Variants in OXR1 observed in about 807,000 individuals in gnomAD.
The protein encoded by OXR1 is oxidation resistance protein 1.
In OXR1, 41 loss-of-function variants were observed where a neutral mutation model predicts 104.6. The ratio of observed to expected loss-of-function variants is 0.39; its 90% CI spans 0.31 to 0.51. OXR1 has a LOEUF of 0.51. Among genes scored for constraint, OXR1 ranks in the 20% least tolerant of loss-of-function variants. The pLI is 0.77. For missense variants in OXR1, 955 were observed against 1,031.9 expected (o/e 0.93, Z 1.02); for synonymous variants, 348 against 348.4 (o/e 1.00, Z 0.01).
intron 8 of OXR1, among the ~76,000 whole-genome samples, chr8:106,705,306 G>T (rs756801625): frequency 6.6e-6 from 1 of 151,944 alleles, no homozygotes; most frequent in African/African-American, 2.4e-5. Flanking sequence ...TTTTTAAGAT[G>T]AATCAGATAC....
intron 3 of OXR1, among the ~76,000 whole-genome samples, chr8:106,615,927 T>C (rs1821181935): frequency 6.6e-6 from 1 of 152,056 alleles, no homozygotes; most frequent in Non-Finnish European, 1.5e-5. Context: ...GTCATTGTTA[T>C]CATTGGCATT....
chr8:106,745,736 T>A (rs1046040882), intron 15 of OXR1, 53 bp from the exon 16 acceptor site: 5 of 874,978 alleles, frequency 5.7e-6, no homozygotes, highest in Non-Finnish European at 7.2e-6. Context: ...GAACTAACTC[T>A]CTATAATAAC....
intron 3 of OXR1, among the ~76,000 whole-genome samples, chr8:106,597,565 A>G (rs1819627302): frequency 1.3e-5 from 2 of 152,230 alleles, no homozygotes; most frequent in Non-Finnish European, 2.9e-5. Flanking sequence ...TATTTGTACA[A>G]TAAGGGAAAG....
chr8:106,464,306 A>G (rs182610830), intron 2 of OXR1, among the ~76,000 whole-genome samples: 15 of 152,208 alleles, frequency 9.9e-5, no homozygotes, highest in African/African-American at 3.6e-4. Context: ...TTTTGTGATG[A>G]GAAAACTGAT....
chr8:106,335,739 T>A (rs1814933901), intron 1 of OXR1, among the ~76,000 whole-genome samples: 1 of 152,180 alleles, frequency 6.6e-6, no homozygotes, highest in Non-Finnish European at 1.5e-5. Context: ...GTTTTTATTT[T>A]TTTCTTATAA....
At chr8:106,735,018 G>A (rs539195452) in intron 11 of OXR1, among the ~76,000 whole-genome samples, 4 of 152,196 alleles carry the variant, frequency 2.6e-5, no homozygotes, top group South Asian at 2.1e-4. Context: ...TTTTATTTAG[G>A]TTTAATCTTT....
In OXR1 at chr8:106,460,967, T is replaced by C. The variant is rs140264028; in HGVS notation, c.24-57976T>C. 6.8e-3 allele frequency among the ~76,000 whole-genome samples: 1,031 copies of C among 151,824 alleles called. 11 individuals carry two copies. The highest frequency in any genetic ancestry group is 0.024 in the African/African-American group (991 of 41,504). ...ATTAAATTAAAATCTATATTAGTTA[T>C]ATATTTTATATTTATATATTTAAGA... On this transcript the variant is annotated intron_variant, in intron 2 of 16. Transcript: ENST00000517566.
intron 16 of OXR1, among the ~76,000 whole-genome samples, chr8:106,747,815 T>C (rs1835517832): frequency 6.6e-6 from 1 of 152,218 alleles, no homozygotes; most frequent in Admixed American, 6.5e-5. Flanking sequence ...TCAGGTTACC[T>C]TGGAAAAAAC....
chr8:106,713,799 A>G (rs1177427902), intron 10 of OXR1, 24 bp from the exon 11 acceptor site: 1 of 1,451,992 alleles, frequency 6.9e-7, no homozygotes, highest in East Asian at 2.6e-5. Context: ...TACTAGGTAT[A>G]TTAATAGTCA....
At chr8:106,336,954 A>G (rs1169821189) in intron 1 of OXR1, among the ~76,000 whole-genome samples, 1 of 152,222 alleles carries the variant, frequency 6.6e-6, no homozygotes, top group Non-Finnish European at 1.5e-5. Flanking sequence ...TTATGATAGG[A>G]TATTTAAGCC....
intron 13 of OXR1, 98 bp from the exon 14 acceptor site, chr8:106,740,245 C>T: frequency 4.0e-6 from 3 of 748,734 alleles, no homozygotes; most frequent in South Asian, 2.2e-5. Flanking sequence ...TTTTTATAGC[C>T]TATATTATAT....
chr8:106,716,999 A>G (rs1490258776), intron 11 of OXR1, among the ~76,000 whole-genome samples: 1 of 152,088 alleles, frequency 6.6e-6, no homozygotes, highest in African/African-American at 2.4e-5. Context: ...CAGCCTGGCC[A>G]ATATGGTAAA....
intron 3 of OXR1, among the ~76,000 whole-genome samples, chr8:106,602,077 G>C (rs1820013245): frequency 6.6e-6 from 1 of 152,174 alleles, no homozygotes; most frequent in South Asian, 2.1e-4. Context: ...CAGTGATCTT[G>C]AAGAGGCTCA....
chr8:106,495,371 TAGAG>T (rs775998837), intron 2 of OXR1, among the ~76,000 whole-genome samples: 9 of 152,060 alleles, frequency 5.9e-5, no homozygotes, highest in Non-Finnish European at 1.2e-4. Context: ...ATTCTATAAA[TAGAG>T]AGAGAAAAGG....
chr8:106,318,748 A>G (rs191934723), intron 1 of OXR1, among the ~76,000 whole-genome samples: 1 of 152,264 alleles, frequency 6.6e-6, no homozygotes, highest in African/African-American at 2.4e-5. Flanking sequence ...AGATTACACA[A>G]TTATTATAAG....
At chr8:106,666,149 C>T (rs1826302316) in intron 3 of OXR1, among the ~76,000 whole-genome samples, 1 of 152,124 alleles carries the variant, frequency 6.6e-6, no homozygotes, top group Non-Finnish European at 1.5e-5. Flanking sequence ...AACAATTAAT[C>T]CAAATATGCA....
At position 106,294,466 on chromosome 8, in the gene OXR1, G is replaced by C. The variant is rs146139989; in HGVS notation, c.-139+24099G>C. On this transcript the variant is annotated intron_variant, in intron 1 of 16. Transcript: ENST00000517566. ...GTAATTTATAACGAAGAGGTTAGCT[G>C]TCTCAGGGTTCTGCAGACTTTATAG... Among the ~76,000 whole-genome samples the C allele has an allele frequency of 3.4e-3, 510 of 150,698 alleles. 4 individuals carry two copies. Among genetic ancestry groups the C allele is most frequent in the African/African-American group, 0.011 (456 of 41,024 alleles).
chr8:106,416,478 G>T (rs1156641238), intron 2 of OXR1, among the ~76,000 whole-genome samples: 1 of 151,764 alleles, frequency 6.6e-6, no homozygotes, highest in Non-Finnish European at 1.5e-5. Flanking sequence ...CATTATTTTA[G>T]ACCTTATAAG....
chr8:106,296,895 T>C (rs1240613575), intron 1 of OXR1, among the ~76,000 whole-genome samples: 1 of 152,244 alleles, frequency 6.6e-6, no homozygotes, highest in East Asian at 1.9e-4. Flanking sequence ...TATTTTGAAC[T>C]GAATTGGTAA....
Sources: gnomAD v4.1 joint callset for allele counts (sites outside exome capture counted in the v4.1 genomes callset) on GRCh38, gnomAD v4.1.1 for gene constraint, MANE v1.5 for transcripts, NCBI Gene and HGNC (gene_info 2026-07-23, HGNC 2026-07-21) for gene names.